HLA-E: variants seen among roughly 807,000 people sequenced by gnomAD.
HLA-E encodes HLA class I histocompatibility antigen, alpha chain E.
A neutral mutation model predicts 43.4 loss-of-function variants in HLA-E; 25 were observed. That is an observed-to-expected ratio of 0.58 (90% CI 0.42 to 0.80). The LOEUF (loss-of-function observed/expected upper bound fraction) is 0.80. Among genes scored for constraint, HLA-E ranks in the 30% least tolerant of loss-of-function variants. The pLI, the probability that HLA-E is intolerant of heterozygous loss-of-function variation, is 0.00. For missense variants in HLA-E, 343 were observed against 470.0 expected (o/e 0.73, Z 2.50); for synonymous variants, 161 against 197.6 (o/e 0.81, Z 1.55).
At position 30,491,248 on chromosome 6, in the gene HLA-E, A is replaced by G; in HGVS notation, c.722A>G (p.Asp241Gly). The change falls in exon 4 of 8, where the codon GAT becomes GGT. Residue 241 changes from aspartate to glycine, a missense_variant. Asp to Gly is a moderately conservative substitution (Grantham distance 94). Around this residue, in one of 3 missense-constraint regions of HLA-E, gnomAD observed 190 missense variants for 283.6 expected, o/e 0.67. Transcript: ENST00000376630. This position sits in a 1 kb window ranked among gnomAD's most constrained non-coding sequence, Gnocchi z 5.4. ...GAGATCACACTGACCTGGCAGCAGG[A>G]TGGGGAGGGCCATACCCAGGACACG... ...PAEITLTWQQ[D>G]GEGHTQDTEL... 6.2e-7 allele frequency: 1 copy of G among 1,614,042 alleles called. No individual in the cohort carries two copies. Among genetic ancestry groups the G allele is most frequent in the Non-Finnish European group, 8.5e-7 (1 of 1,179,954 alleles).
In HLA-E at chr6:30,490,073, C is replaced by T; in HGVS notation, c.334+78C>T. 7 of 1,518,692 alleles carry T rather than the reference C, an allele frequency of 4.6e-6. No homozygotes were observed. The highest frequency in any genetic ancestry group is 2.3e-5 in the East Asian group (1 of 44,284). The allele number at this position is 1,518,692 out of a possible 1,614,324, so 94.1% of individuals were successfully genotyped here. A position where few individuals can be genotyped will look rare whatever the true frequency, so the allele number is the denominator to read the frequency against. On this transcript the variant is annotated intron_variant, in intron 2 of 7. Coordinates refer to ENST00000376630, the MANE Select transcript of HLA-E (RefSeq NM_005516.6). The surrounding 1 kb of genome is among the most constrained non-coding windows in gnomAD (Gnocchi z 6.6). ...GACGGCGCGGGTCCCCTCGAATCTT[C>T]GGGTCCCAGATTCACCCCAAGGCTG...
rs1278765446 is a variant in HLA-E, at chr6:30,492,313, A to G, written c.1004-91A>G. 4.3e-6 allele frequency: 6 copies of G among 1,392,434 alleles called. No individual in the cohort carries two copies. In the Admixed American group the frequency reaches 8.4e-5, roughly 20 times the overall value. 86.3% of individuals were successfully genotyped at this position (1,392,434 alleles called of 1,614,324 possible). Reference sequence around the variant, plus strand: ...TGGGTCTGCAGTCACAGTTCAGGAAACTTCTCTGGGATCCAAAACTAGGAG... The same window carrying G: ...TGGGTCTGCAGTCACAGTTCAGGAAGCTTCTCTGGGATCCAAAACTAGGAG... On this transcript the variant is annotated intron_variant, in intron 5 of 7. Coordinates refer to ENST00000376630, the MANE Select transcript of HLA-E (RefSeq NM_005516.6). The surrounding 1 kb of genome is among the most constrained non-coding windows in gnomAD (Gnocchi z 4.5).
chr6:30,489,906 A>C lies in HLA-E; in HGVS notation c.245A>C (p.Asp82Ala). Reference sequence around the variant, plus strand: ...GAGCAGGAGGGGTCAGAGTATTGGGACCGGGAGACACGGAGCGCCAGGGAC... The same window carrying C: ...GAGCAGGAGGGGTCAGAGTATTGGGCCCGGGAGACACGGAGCGCCAGGGAC... ...WMEQEGSEYWDRETRSARDTA... is the reference protein window; with the variant it reads ...WMEQEGSEYWARETRSARDTA... Residue 82 changes from aspartate to alanine, a missense_variant, in exon 2 of 8, where the codon GAC becomes GCC. Asp to Ala is a moderately radical substitution (Grantham distance 126). This residue lies in a region of HLA-E where 94 missense variants were observed against 144.4 expected (regional missense o/e 0.65). Coordinates refer to ENST00000376630, the MANE Select transcript of HLA-E (RefSeq NM_005516.6). The surrounding 1 kb of genome is among the most constrained non-coding windows in gnomAD (Gnocchi z 5.6). The C allele has an allele frequency of 6.2e-7, 1 of 1,612,838 alleles. No homozygotes were observed. Among genetic ancestry groups the C allele is most frequent in the Non-Finnish European group, 8.5e-7 (1 of 1,179,954 alleles).
Position 30,492,961 on chromosome 6 carries a change from A to G in HLA-E, c.*215A>G, listed in dbSNP as rs531739901. On this transcript the variant is annotated 3_prime_UTR_variant, in exon 8 of 8. Coordinates refer to ENST00000376630, the MANE Select transcript of HLA-E (RefSeq NM_005516.6). The surrounding 1 kb of genome is among the most constrained non-coding windows in gnomAD (Gnocchi z 4.5). ...TGTCTACCATGACCCCCTTCCTCAC[A>G]CTGACCTGTGTTCCTTCCCTGTTCT... The G allele has an allele frequency of 3.1e-6, 1 of 323,782 alleles. No individual in the cohort carries two copies. The highest frequency in any genetic ancestry group is 5.7e-6 in the Non-Finnish European group (1 of 176,852). The allele number at this position is 323,782 out of a possible 1,614,324, so 20.1% of individuals were successfully genotyped here.
At position 30,493,811 on chromosome 6, in the gene HLA-E, G is replaced by A. The variant is rs1166449947; in HGVS notation, c.*1065G>A. ...ACCAGGGAAATGTCTAGTGTCTAGT[G>A]GATCCAGGCCACAGGAGAGAGTGCC... On this transcript the variant is annotated 3_prime_UTR_variant, in exon 8 of 8. Coordinates refer to ENST00000376630, the MANE Select transcript of HLA-E (RefSeq NM_005516.6). The surrounding 1 kb of genome is among the most constrained non-coding windows in gnomAD (Gnocchi z 5.5). 6.6e-6 allele frequency: 1 copy of A among 152,536 alleles called. No homozygotes were observed. Among genetic ancestry groups the A allele is most frequent in the Non-Finnish European group, 1.5e-5 (1 of 68,306 alleles). 9.4% of individuals were successfully genotyped at this position (152,536 alleles called of 1,614,324 possible).
Position 30,489,992 on chromosome 6 carries a change from G to A in HLA-E, c.331G>A (p.Ala111Thr), listed in dbSNP as rs111621097. ...GCGCGGCTACTACAATCAGAGCGAGGCCGGTGAGTGACCCCGGCCAGGGGA... is the reference window on the plus strand; with the variant it reads ...GCGCGGCTACTACAATCAGAGCGAGACCGGTGAGTGACCCCGGCCAGGGGA... ...TLRGYYNQSE[A>T]GSHTLQWMHG... The change falls in exon 2 of 8, where the codon GCC becomes ACC. Residue 111 changes from alanine to threonine, a missense_variant. Coordinates refer to ENST00000376630, the MANE Select transcript of HLA-E (RefSeq NM_005516.6). The surrounding 1 kb of genome is among the most constrained non-coding windows in gnomAD (Gnocchi z 5.6). The A allele has an allele frequency of 1.2e-6, 2 of 1,604,444 alleles. No individual in the cohort carries two copies. Among genetic ancestry groups the A allele is most frequent in the Non-Finnish European group, 1.7e-6 (2 of 1,174,554 alleles).
In HLA-E at chr6:30,490,399, A is replaced by T; in HGVS notation, c.494A>T (p.Glu165Val). ...TAVDTAAQIS[E>V]QKSNDASEAE... ...GTGGACACGGCGGCTCAGATCTCCG[A>T]GCAAAAGTCAAATGATGCCTCTGAG... Residue 165 changes from glutamate to valine, a missense_variant, in exon 3 of 8, where the codon GAG becomes GTG. Glu to Val is a moderately radical substitution (Grantham distance 121). Coordinates refer to ENST00000376630, the MANE Select transcript of HLA-E (RefSeq NM_005516.6). The surrounding 1 kb of genome is among the most constrained non-coding windows in gnomAD (Gnocchi z 6.6). 6.2e-7 allele frequency: 1 copy of T among 1,613,086 alleles called. No individual in the cohort carries two copies. Among genetic ancestry groups the T allele is most frequent in the Non-Finnish European group, 8.5e-7 (1 of 1,180,036 alleles).
At position 30,491,463 on chromosome 6, in the gene HLA-E, C is replaced by A; in HGVS notation, c.886+51C>A. The A allele has an allele frequency of 6.2e-7, 1 of 1,611,524 alleles. No individual in the cohort carries two copies. Among genetic ancestry groups the A allele is most frequent in the Non-Finnish European group, 8.5e-7 (1 of 1,178,324 alleles). Reference sequence around the variant, plus strand: ...TCTCTTCTCAGGGAAAGCGGGAGCCCTTCTGGAGCCCTTCCGCAGGGTCAG... The same window carrying A: ...TCTCTTCTCAGGGAAAGCGGGAGCCATTCTGGAGCCCTTCCGCAGGGTCAG... On this transcript the variant is annotated intron_variant, in intron 4 of 7. Transcript: ENST00000376630. The surrounding 1 kb of genome is among the most constrained non-coding windows in gnomAD (Gnocchi z 5.4).
chr6:30,490,229 G>A lies in HLA-E; in HGVS notation c.335-11G>A. ...GCTTGGTGGGCGGGACTGACTAAGG[G>A]GCGGGGCCAGGGTCTCACACCCTGC... On this transcript the variant is annotated splice_polypyrimidine_tract_variant and intron_variant, in intron 2 of 7. Transcript: ENST00000376630. The surrounding 1 kb of genome is among the most constrained non-coding windows in gnomAD (Gnocchi z 6.6). 2.5e-6 allele frequency: 4 copies of A among 1,610,276 alleles called. No individual in the cohort carries two copies. Among genetic ancestry groups the A allele is most frequent in the Non-Finnish European group, 3.4e-6 (4 of 1,178,614 alleles).
At position 30,490,338 on chromosome 6, in the gene HLA-E, C is replaced by G. The variant is rs757938927; in HGVS notation, c.433C>G (p.Leu145Val). ...GTTCGCCTACGACGGCAAGGATTATCTCACCCTGAATGAGGACCTGCGCTC... is the reference window on the plus strand; with the variant it reads ...GTTCGCCTACGACGGCAAGGATTATGTCACCCTGAATGAGGACCTGCGCTC... ...EQFAYDGKDY[L>V]TLNEDLRSWT... Residue 145 changes from leucine (L) to valine (V), a missense_variant, in exon 3 of 8, where the codon CTC becomes GTC. By Grantham distance (32) the Leu-to-Val change is conservative. This residue lies in a region of HLA-E where 190 missense variants were observed against 283.6 expected (regional missense o/e 0.67). Transcript: ENST00000376630. This position sits in a 1 kb window ranked among gnomAD's most constrained non-coding sequence, Gnocchi z 6.6. 4 of 1,612,696 alleles carry G rather than the reference C, an allele frequency of 2.5e-6. No individual in the cohort carries two copies. The African/African-American group carries it at 4.0e-5, about 16-fold the overall frequency.
At position 30,492,529 on chromosome 6, in the gene HLA-E, G is replaced by A. The variant is rs745306627; in HGVS notation, c.1037-12G>A. On this transcript the variant is annotated splice_polypyrimidine_tract_variant and intron_variant, in intron 6 of 7. Transcript: ENST00000376630. The surrounding 1 kb of genome is among the most constrained non-coding windows in gnomAD (Gnocchi z 4.5). ...TGGGCTCTGACCAGGTCTTGTTTTT[G>A]TTCTACCCCAGGGAGCGACAGTGCC... The A allele has an allele frequency of 6.2e-7, 1 of 1,614,106 alleles. No homozygotes were observed. The highest frequency in any genetic ancestry group is 8.5e-7 in the Non-Finnish European group (1 of 1,180,010).
chr6:30,491,135 A>G lies in HLA-E; in HGVS notation c.611-2A>G, dbSNP rs113614419. On this transcript the variant is annotated splice_acceptor_variant, in intron 3 of 7. Transcript: ENST00000376630. LOFTEE classifies it high-confidence loss of function. The surrounding 1 kb of genome is among the most constrained non-coding windows in gnomAD (Gnocchi z 5.4). Reference sequence around the variant, plus strand: ...CCTGAATTTTCTGACTCTTCCCCTCAGAGCCCCCAAAGACACACGTGACTC... The same window carrying G: ...CCTGAATTTTCTGACTCTTCCCCTCGGAGCCCCCAAAGACACACGTGACTC... The G allele has an allele frequency of 6.2e-7, 1 of 1,613,650 alleles. No homozygotes were observed. Among genetic ancestry groups the G allele is most frequent in the South Asian group, 1.1e-5 (1 of 91,074 alleles).
In HLA-E at chr6:30,491,453, A is replaced by G; in HGVS notation, c.886+41A>G. On this transcript the variant is annotated intron_variant, in intron 4 of 7. Coordinates refer to ENST00000376630, the MANE Select transcript of HLA-E (RefSeq NM_005516.6). This position sits in a 1 kb window ranked among gnomAD's most constrained non-coding sequence, Gnocchi z 5.4. ...GGAGGTCATGTCTCTTCTCAGGGAA[A>G]GCGGGAGCCCTTCTGGAGCCCTTCC... 1 of 1,612,518 alleles carries G rather than the reference A, an allele frequency of 6.2e-7. No homozygotes were observed. Among genetic ancestry groups the G allele is most frequent in the Non-Finnish European group, 8.5e-7 (1 of 1,178,864 alleles).
rs1476666860 is a variant in HLA-E at position 30,491,298 on chromosome 6, G to A, written c.772G>A (p.Gly258Arg). ...DTELVETRPA[G>R]DGTFQKWAAV... ...GGAGCTCGTGGAGACCAGGCCTGCA[G>A]GGGATGGAACCTTCCAGAAGTGGGC... Residue 258 changes from glycine to arginine, a missense_variant, in exon 4 of 8, where the codon GGG becomes AGG. By Grantham distance (125) the Gly-to-Arg change is moderately radical. Transcript: ENST00000376630. The surrounding 1 kb of genome is among the most constrained non-coding windows in gnomAD (Gnocchi z 5.4). 1.2e-6 allele frequency: 2 copies of A among 1,614,222 alleles called. No individual in the cohort carries two copies. Among genetic ancestry groups the A allele is most frequent in the Admixed American group, 1.7e-5 (1 of 60,030 alleles).
Position 30,491,197 on chromosome 6 carries a change from G to C in HLA-E, c.671G>C (p.Cys224Ser), listed in dbSNP as rs1463703082. The part of the protein sequence containing the change: ...PISDHEATLR[C>S]WALGFYPAEI... ...TCTGACCATGAGGCCACCCTGAGGT[G>C]CTGGGCCCTGGGCTTCTACCCTGCG... Residue 224 changes from cysteine to serine, a missense_variant, in exon 4 of 8, where the codon TGC becomes TCC. Transcript: ENST00000376630. The surrounding 1 kb of genome is among the most constrained non-coding windows in gnomAD (Gnocchi z 5.4). 1.2e-6 allele frequency: 2 copies of C among 1,613,634 alleles called. No individual in the cohort carries two copies.
At position 30,491,963 on chromosome 6, in the gene HLA-E, A is replaced by AT. The variant is rs200919744; in HGVS notation, c.1003+321dup. ...ACATGCGTGCCACCACACCTGGCTA[A>AT]TTTTTTTTTTTGTATTTTTAGTGGA... On this transcript the variant is annotated intron_variant, in intron 5 of 7. Transcript: ENST00000376630. This position sits in a 1 kb window ranked among gnomAD's most constrained non-coding sequence, Gnocchi z 5.4. 6.8e-4 allele frequency among the ~76,000 whole-genome samples: 100 copies of AT among 147,016 alleles called. 1 individual carries two copies. The highest frequency in any genetic ancestry group is 2.2e-3 in the South Asian group (10 of 4,634).
Position 30,492,130 on chromosome 6 carries a change from C to G in HLA-E, c.1004-274C>G, listed in dbSNP as rs1205458451. ...CTACTCTTTTGTAAAGCACCTGTGA[C>G]AATGAAGGACAGATTTATCACCTTG... On this transcript the variant is annotated intron_variant, in intron 5 of 7. Coordinates refer to ENST00000376630, the MANE Select transcript of HLA-E (RefSeq NM_005516.6). This position sits in a 1 kb window ranked among gnomAD's most constrained non-coding sequence, Gnocchi z 4.5. 6.6e-6 allele frequency among the ~76,000 whole-genome samples: 1 copy of G among 152,092 alleles called. No homozygotes were observed. Among genetic ancestry groups the G allele is most frequent in the Non-Finnish European group, 1.5e-5 (1 of 68,026 alleles).
rs957745747 is a variant in HLA-E, at chr6:30,492,811, A to T, written c.*65A>T. On this transcript the variant is annotated 3_prime_UTR_variant, in exon 8 of 8. Coordinates refer to ENST00000376630, the MANE Select transcript of HLA-E (RefSeq NM_005516.6). This position sits in a 1 kb window ranked among gnomAD's most constrained non-coding sequence, Gnocchi z 4.5. ...GCTGCCTTGTGTGCGACTGAGATGC[A>T]GGATTTCCTCACGCCTCCCCTATGT... The T allele has an allele frequency of 1.0e-5, 7 of 667,036 alleles. No homozygotes were observed. Among genetic ancestry groups the T allele is most frequent in the Admixed American group, 2.5e-5 (1 of 40,274 alleles). 41.3% of individuals were successfully genotyped at this position (667,036 alleles called of 1,614,324 possible). A position where few individuals can be genotyped will look rare whatever the true frequency, so the allele number is the denominator to read the frequency against.
In HLA-E at chr6:30,489,659, G is replaced by A; in HGVS notation, c.64+64G>A. 1.2e-6 allele frequency: 2 copies of A among 1,608,116 alleles called. No homozygotes were observed. Among genetic ancestry groups the A allele is most frequent in the Non-Finnish European group, 1.7e-6 (2 of 1,177,010 alleles). The stretch of plus-strand genomic sequence containing the variant: ...AGTAGAGAGGGGCCGGCCCGGCGGG[G>A]GCGAAGGACTCGGGGAGCCGCGCCG... On this transcript the variant is annotated intron_variant, in intron 1 of 7. Coordinates refer to ENST00000376630, the MANE Select transcript of HLA-E (RefSeq NM_005516.6). The surrounding 1 kb of genome is among the most constrained non-coding windows in gnomAD (Gnocchi z 5.6).
Sources: gnomAD v4.1 joint callset for allele counts (sites outside exome capture counted in the v4.1 genomes callset) on GRCh38, gnomAD v4.1.1 for gene constraint, gnomAD v4.1.1 regional missense constraint, Gnocchi (gnomAD v3.1) non-coding constraint, MANE v1.5 for transcripts, NCBI Gene and HGNC (gene_info 2026-07-23, HGNC 2026-07-21) for gene names.